Variants in GATA4 observed in about 807,000 individuals in gnomAD.
The protein encoded by GATA4 is transcription factor GATA-4.
A neutral mutation model predicts 37.9 loss-of-function variants in GATA4; 7 were observed. The observed-to-expected ratio is 0.18, with a 90% CI of 0.11 to 0.35. GATA4 has a LOEUF of 0.35. GATA4 is among the 10% of genes least tolerant of loss of function. The probability of loss-of-function intolerance (pLI) is 1.00; values close to 1 mark genes in which losing one functional copy is unlikely to be tolerated. For synonymous variants in GATA4, 372 were observed against 292.6 expected (o/e 1.27, Z -2.77); for missense variants, 647 against 653.0 (o/e 0.99, Z 0.10).
chr8:11,758,600 G>A lies in GATA4; in HGVS notation c.*125G>A. ...GTAATGACTCCAGAACAACAACTGG[G>A]AAGAAACTTGAAGTCGACAATCTGG... On this transcript the variant is annotated 3_prime_UTR_variant, in exon 7 of 7. Coordinates refer to ENST00000532059, the MANE Select transcript of GATA4 (RefSeq NM_001308093.3). 1.1e-6 allele frequency: 1 copy of A among 896,308 alleles called. No homozygotes were observed. Among genetic ancestry groups the A allele is most frequent in the Admixed American group, 1.9e-5 (1 of 51,992 alleles). The allele number at this position is 896,308 out of a possible 1,614,324, so 55.5% of individuals were successfully genotyped here.
At chr8:11,717,949 A>C (rs1285246651) in intron 2 of GATA4, among the ~76,000 whole-genome samples, 1 of 152,224 alleles carries the variant, frequency 6.6e-6, no homozygotes, top group African/African-American at 2.4e-5. Flanking sequence ...TCCTAACTCT[A>C]GGGGAACTGT....
In GATA4 at chr8:11,707,707, C is replaced by T. The variant is rs1038715333; in HGVS notation, c.-457-149C>T. The T allele has an allele frequency of 3.8e-5, 6 of 156,674 alleles. No individual in the cohort carries two copies. In the East Asian group the frequency reaches 5.7e-4, roughly 15 times the overall value. The allele number at this position is 156,674 out of a possible 1,614,324, so 9.7% of individuals were successfully genotyped here. ...CTGGACAAAACAAAGGCCCCTGCTT[C>T]CCGGCACCGCGCGGCCTCCGGAGCT... On this transcript the variant is annotated intron_variant, in intron 1 of 6. Coordinates refer to ENST00000532059, the MANE Select transcript of GATA4 (RefSeq NM_001308093.3). This position sits in a 1 kb window ranked among gnomAD's most constrained non-coding sequence, Gnocchi z 4.7.
At chr8:11,758,006 G>A (rs1435317471) in intron 6 of GATA4, among the ~76,000 whole-genome samples, 1 of 152,200 alleles carries the variant, frequency 6.6e-6, no homozygotes, top group African/African-American at 2.4e-5. Context: ...GGTAGAAAGT[G>A]TCTCCTGTAA....
chr8:11,691,691 C>G (rs1164250550), upstream of GATA4, among the ~76,000 whole-genome samples: 1 of 152,184 alleles, frequency 6.6e-6, no homozygotes. Context: ...GGAATCCTGA[C>G]TCCCAGACCA....
rs560784272 is a variant in GATA4, at chr8:11,711,564, G to T, written c.616+2636G>T. Among the ~76,000 whole-genome samples, 398 of 152,202 alleles carry T rather than the reference G, an allele frequency of 2.6e-3. 1 individual carries two copies. The highest frequency in any genetic ancestry group is 9.0e-3 in the African/African-American group (373 of 41,518). Reference sequence around the variant, plus strand: ...AGGCTGAGGCAGGAGGATCATTTGAGGCCAGGAGTTCGAGGTCAGCCTGGG... The same window carrying T: ...AGGCTGAGGCAGGAGGATCATTTGATGCCAGGAGTTCGAGGTCAGCCTGGG... On this transcript the variant is annotated intron_variant, in intron 2 of 6. Coordinates refer to ENST00000532059, the MANE Select transcript of GATA4 (RefSeq NM_001308093.3).
At chr8:11,757,340 A>G (rs569744644) in intron 6 of GATA4, among the ~76,000 whole-genome samples, 2 of 152,314 alleles carry the variant, frequency 1.3e-5, no homozygotes, top group South Asian at 2.1e-4. Context: ...GTGACTCACA[A>G]TTTTTTAACA....
At chr8:11,723,273 C>T (rs1263722351) in intron 2 of GATA4, among the ~76,000 whole-genome samples, 3 of 151,880 alleles carry the variant, frequency 2.0e-5, no homozygotes, top group Non-Finnish European at 4.4e-5. Context: ...GGGAGGATTG[C>T]TTGACCTGGG....
chr8:11,730,570 C>G (rs1208486325), intron 2 of GATA4, among the ~76,000 whole-genome samples: 2 of 152,212 alleles, frequency 1.3e-5, no homozygotes, highest in Non-Finnish European at 2.9e-5. Flanking sequence ...AAGAACTAGG[C>G]AGAGGTGCAG....
At chr8:11,734,220 T>G (rs1161679614) in intron 2 of GATA4, among the ~76,000 whole-genome samples, 1 of 152,256 alleles carries the variant, frequency 6.6e-6, no homozygotes, top group Non-Finnish European at 1.5e-5. Flanking sequence ...GGATGCCTGA[T>G]GAAGCATTGC....
intron 2 of GATA4, among the ~76,000 whole-genome samples, chr8:11,735,298 T>G (rs1459420226): frequency 6.6e-6 from 1 of 152,264 alleles, no homozygotes; most frequent in African/African-American, 2.4e-5. Context: ...GAGGAACATT[T>G]ATCCCTGTGT....
intron 4 of GATA4, 90 bp downstream of exon 4, chr8:11,750,326 A>T: frequency 2.6e-6 from 4 of 1,554,456 alleles, no homozygotes; most frequent in African/African-American, 2.7e-5. Flanking sequence ...ACTAGCATTC[A>T]TTTTTCCTTC....
chr8:11,721,909 A>G (rs186912915), intron 2 of GATA4, among the ~76,000 whole-genome samples: 1 of 152,310 alleles, frequency 6.6e-6, no homozygotes, highest in East Asian at 1.9e-4. Context: ...AGAGGTGAAG[A>G]GGAAGGGCTC....
chr8:11,732,864 A>G lies in GATA4; in HGVS notation c.617-16052A>G, dbSNP rs547106438. On this transcript the variant is annotated intron_variant, in intron 2 of 6. Coordinates refer to ENST00000532059, the MANE Select transcript of GATA4 (RefSeq NM_001308093.3). ...ATCCCCAACTATAGAAAACTGCCGAATATAATATAAATCCAGACCACATGG... is the reference window on the plus strand; with the variant it reads ...ATCCCCAACTATAGAAAACTGCCGAGTATAATATAAATCCAGACCACATGG... 3.7e-4 allele frequency among the ~76,000 whole-genome samples: 56 copies of G among 152,334 alleles called. 1 individual carries two copies. In the South Asian group the frequency reaches 0.011, roughly 31 times the overall value.
chr8:11,689,207 G>T (rs973800812), upstream of GATA4, among the ~76,000 whole-genome samples: 1 of 152,128 alleles, frequency 6.6e-6, no homozygotes, highest in Non-Finnish European at 1.5e-5. Flanking sequence ...TTATTTCTGG[G>T]CCCTGCATCT....
Position 11,749,713 on chromosome 8 carries a change from T to C in GATA4, c.787-398T>C, listed in dbSNP as rs1802200277. On this transcript the variant is annotated intron_variant, in intron 3 of 6. Transcript: ENST00000532059. The surrounding 1 kb of genome is among the most constrained non-coding windows in gnomAD (Gnocchi z 4.6). Reference sequence around the variant, plus strand: ...CTTGAGGTCCCAGGGCCATTCAGACTTTGATACCATTTGGACACCGTGATT... The same window carrying C: ...CTTGAGGTCCCAGGGCCATTCAGACCTTGATACCATTTGGACACCGTGATT... 6.6e-6 allele frequency among the ~76,000 whole-genome samples: 1 copy of C among 152,196 alleles called. No homozygotes were observed. The highest frequency in any genetic ancestry group is 2.1e-4 in the South Asian group (1 of 4,830).
At chr8:11,680,048 G>A (rs548253476) in intron 1 of GATA4, among the ~76,000 whole-genome samples, 1 of 152,344 alleles carries the variant, frequency 6.6e-6, no homozygotes, top group African/African-American at 2.4e-5. Context: ...CTCCTGCCAG[G>A]GGGCTTGGAC....
Position 11,708,973 on chromosome 8 carries a change from G to A in GATA4, c.616+45G>A, listed in dbSNP as rs2130072895. The A allele has an allele frequency of 6.6e-7, 1 of 1,506,532 alleles. No homozygotes were observed. Among genetic ancestry groups the A allele is most frequent in the Admixed American group, 2.1e-5 (1 of 46,730 alleles). 93.3% of individuals were successfully genotyped at this position (1,506,532 alleles called of 1,614,324 possible). On this transcript the variant is annotated intron_variant, in intron 2 of 6. Coordinates refer to ENST00000532059, the MANE Select transcript of GATA4 (RefSeq NM_001308093.3). The surrounding 1 kb of genome is among the most constrained non-coding windows in gnomAD (Gnocchi z 6.7). The stretch of plus-strand genomic sequence containing the variant: ...CTGGGGCGCGTGAGGGCCGGGGCAG[G>A]GGCCGTCTTGAGCCCTGTCGAGGGC...
intron 1 of GATA4, chr8:11,681,112 T>C: frequency 1.0e-6 from 1 of 982,782 alleles, no homozygotes; most frequent in Non-Finnish European, 1.2e-6. Flanking sequence ...GCTCGCAGGG[T>C]TCGTGGTCCG....
In GATA4 at chr8:11,758,780, C is replaced by T; in HGVS notation, c.*305C>T. 2.3e-6 allele frequency: 1 copy of T among 433,666 alleles called. No homozygotes were observed. The allele number at this position is 433,666 out of a possible 1,614,324, so 26.9% of individuals were successfully genotyped here. On this transcript the variant is annotated 3_prime_UTR_variant, in exon 7 of 7. Coordinates refer to ENST00000532059, the MANE Select transcript of GATA4 (RefSeq NM_001308093.3). ...TGTCCCCTGCGTTCCCCACTGTGGC[C>T]TAGACCGTGGGTTTTGCATTGTGTT...
Sources: gnomAD v4.1 joint callset for allele counts (sites outside exome capture counted in the v4.1 genomes callset) on GRCh38, gnomAD v4.1.1 for gene constraint, Gnocchi (gnomAD v3.1) non-coding constraint, MANE v1.5 for transcripts, NCBI Gene and HGNC (gene_info 2026-07-23, HGNC 2026-07-21) for gene names.